INTU: variants seen among roughly 807,000 people sequenced by gnomAD.
The protein encoded by INTU is protein inturned.
In INTU, 68 loss-of-function variants were observed where a neutral mutation model predicts 100.5. That is an observed-to-expected ratio of 0.68 (90% CI 0.56 to 0.83). The LOEUF is 0.83. Among genes scored for constraint, INTU ranks in the 40% least tolerant of loss-of-function variants. The pLI is 0.00. For synonymous variants in INTU, 357 were observed against 395.7 expected (o/e 0.90, Z 1.16); for missense variants, 1,071 against 1,114.7 (o/e 0.96, Z 0.56).
At position 127,726,483 on chromosome 4, in the gene INTU, C is replaced by T. The variant is rs1361302292; in HGVS notation, c.*10047C>T. 1 of 152,156 alleles carries T rather than the reference C, an allele frequency of 6.6e-6. No homozygotes were observed. Among genetic ancestry groups the T allele is most frequent in the East Asian group, 1.9e-4 (1 of 5,200 alleles). 9.4% of individuals were successfully genotyped at this position (152,156 alleles called of 1,614,324 possible). ...TCCATTGGTTGAAAAACCAAGTAGT[C>T]AGCTAAATCATACCTGCTACTGTAC... On this transcript the variant is annotated 3_prime_UTR_variant, in exon 16 of 16. Coordinates refer to ENST00000335251, the MANE Select transcript of INTU (RefSeq NM_015693.4).
intron 2 of INTU, among the ~76,000 whole-genome samples, chr4:127,650,897 T>C (rs1727831162): frequency 6.6e-6 from 1 of 152,232 alleles, no homozygotes; most frequent in Admixed American, 6.5e-5. Context: ...TTCCCGGCTT[T>C]TTAATGATTG....
At chr4:127,678,939 CA>C (rs1729372276) in intron 6 of INTU, among the ~76,000 whole-genome samples, 1 of 151,860 alleles carries the variant, frequency 6.6e-6, no homozygotes. Flanking sequence ...AAAAAAAAGG[CA>C]GGGGTTGCAA....
Position 127,691,962 on chromosome 4 carries a change from G to GTGTGTATATATATATATA in INTU, c.1449+4096_1449+4097insGTGTATATATATATATAT. Among the ~76,000 whole-genome samples, 101 of 98,256 alleles carry GTGTGTATATATATATATA rather than the reference G, an allele frequency of 1.0e-3. 6 individuals carry two copies. The highest frequency in any genetic ancestry group is 5.8e-3 in the Middle Eastern group (1 of 172). 64.5% of individuals were successfully genotyped at this position (98,256 alleles called of 152,430 possible). A position where few individuals can be genotyped will look rare whatever the true frequency, so the allele number is the denominator to read the frequency against. On this transcript the variant is annotated intron_variant, in intron 8 of 15. Coordinates refer to ENST00000335251, the MANE Select transcript of INTU (RefSeq NM_015693.4). ...GGCGGAGTATAGTGTTCCATGGTAT[G>GTGTGTATATATATATATA]TATATATATATATATATATGTCACA...
chr4:127,652,714 A>T (rs1490825419), intron 2 of INTU, among the ~76,000 whole-genome samples: 22 of 125,882 alleles, frequency 1.7e-4, no homozygotes, highest in African/African-American at 6.8e-4. Context: ...CGGCTTTGGT[A>T]TCAGAATGAT....
rs773155726 is a variant in INTU at position 127,710,904 on chromosome 4, CTTTTT to C, written c.2370-8_2370-4del. On this transcript the variant is annotated splice_region_variant and splice_polypyrimidine_tract_variant and intron_variant, in intron 13 of 15. Transcript: ENST00000335251. ...TTTTTTCTTCTCTTTGATTTTTTTT[CTTTTT>C]AAGACTGACATCTGGTCCTGAGAAC... is the stretch of plus-strand genomic sequence containing the variant. 11 of 1,393,262 alleles carry C rather than the reference CTTTTT, an allele frequency of 7.9e-6. No individual in the cohort carries two copies. Among genetic ancestry groups the C allele is most frequent in the African/African-American group, 1.5e-5 (1 of 68,380 alleles). The allele number at this position is 1,393,262 out of a possible 1,614,324, so 86.3% of individuals were successfully genotyped here.
In INTU at chr4:127,725,132, T is replaced by TAAAAAAAAA. The variant is rs763050553; in HGVS notation, c.*8713_*8721dup. On this transcript the variant is annotated 3_prime_UTR_variant, in exon 16 of 16. Coordinates refer to ENST00000335251, the MANE Select transcript of INTU (RefSeq NM_015693.4). Reference sequence around the variant, plus strand: ...GAAACCCTGTCTCTACTAAAAATACTAAAAAAAAAAAAAAAAAAAAAAAAA... The same window carrying TAAAAAAAAA: ...GAAACCCTGTCTCTACTAAAAATACTAAAAAAAAAAAAAAAAAAAAAAAAAAAAAAAAAA... 1.0e-4 allele frequency: 8 copies of TAAAAAAAAA among 79,304 alleles called. No individual in the cohort carries two copies. The highest frequency in any genetic ancestry group is 3.4e-4 in the East Asian group (1 of 2,958). 4.9% of individuals were successfully genotyped at this position (79,304 alleles called of 1,614,324 possible). A position where few individuals can be genotyped will look rare whatever the true frequency, so the allele number is the denominator to read the frequency against.
At chr4:127,665,177 CTTA>C (rs772839358) in intron 4 of INTU, among the ~76,000 whole-genome samples, 12 of 149,680 alleles carry the variant, frequency 8.0e-5, no homozygotes, top group Non-Finnish European at 1.6e-4. Flanking sequence ...ACTACTACTA[CTTA>C]TTATTATTAC....
intron 8 of INTU, among the ~76,000 whole-genome samples, chr4:127,697,137 A>G (rs1730427731): frequency 6.6e-6 from 1 of 152,290 alleles, no homozygotes; most frequent in African/African-American, 2.4e-5. Context: ...TCATTGAGAT[A>G]TTTCACATAT....
In INTU at chr4:127,716,429, C is replaced by T; in HGVS notation, c.2822C>T (p.Thr941Ile). 1.3e-6 allele frequency: 2 copies of T among 1,537,798 alleles called. No homozygotes were observed. Among genetic ancestry groups the T allele is most frequent in the South Asian group, 2.4e-5 (2 of 82,856 alleles). The part of the protein sequence containing the change: ...EIAFKLFFGL[T>I]L ...GCTTTTAAATTGTTCTTTGGGTTAA[C>T]CTTGTAGCTGTGCTTTCTTGATGCG... Residue 941 changes from threonine (T) to isoleucine (I), a missense_variant, in exon 16 of 16, where the codon ACC becomes ATC. Coordinates refer to ENST00000335251, the MANE Select transcript of INTU (RefSeq NM_015693.4).
chr4:127,673,176 C>CT lies in INTU; in HGVS notation c.1092-940dup, dbSNP rs112570618. Among the ~76,000 whole-genome samples the CT allele has an allele frequency of 3.4e-3, 519 of 151,776 alleles. 4 individuals carry two copies. The highest frequency in any genetic ancestry group is 0.012 in the African/African-American group (488 of 41,420). On this transcript the variant is annotated intron_variant, in intron 5 of 15. Coordinates refer to ENST00000335251, the MANE Select transcript of INTU (RefSeq NM_015693.4). The stretch of plus-strand genomic sequence containing the variant: ...GTTAAATTAACCAACTGAGATGAAG[C>CT]TTTTTTTTGTTTTGTTTTTGAGACA...
chr4:127,674,007 C>A (rs1236890314), intron 5 of INTU, 117 bp from the exon 6 acceptor site: 2 of 496,688 alleles, frequency 4.0e-6, no homozygotes, highest in Non-Finnish European at 3.3e-6. Flanking sequence ...GAAAAGAAAT[C>A]ACTTATTAAG....
chr4:127,645,909 G>T (rs184671374), intron 2 of INTU, among the ~76,000 whole-genome samples: 10 of 151,970 alleles, frequency 6.6e-5, no homozygotes, highest in Admixed American at 4.6e-4. Flanking sequence ...TAGGCCTGGC[G>T]TGGTGGCTAA....
At chr4:127,638,403 C>G (rs1246930679) in intron 1 of INTU, among the ~76,000 whole-genome samples, 1 of 152,062 alleles carries the variant, frequency 6.6e-6, no homozygotes, top group Non-Finnish European at 1.5e-5. Flanking sequence ...GGAAATGTGC[C>G]AGTGGGGCTG....
rs1726911659 is a variant in INTU at position 127,633,149 on chromosome 4, G to T, written c.115G>T (p.Gly39Cys). 1.2e-6 allele frequency: 2 copies of T among 1,613,896 alleles called. No homozygotes were observed. The highest frequency in any genetic ancestry group is 1.3e-5 in the African/African-American group (1 of 75,020). Residue 39 changes from glycine (G) to cysteine (C), a missense_variant, in exon 1 of 16, where the codon GGT (glycine) becomes TGT (cysteine). Transcript: ENST00000335251. ...YDFEDRVSDSGSYSSASSDYD... is the reference protein window; with the variant it reads ...YDFEDRVSDSCSYSSASSDYD... ...TTTTGAAGATCGGGTCAGCGACTCG[G>T]GTTCATATTCCTCAGCGAGTAGCGA... is the stretch of plus-strand genomic sequence containing the variant.
At position 127,710,943 on chromosome 4, in the gene INTU, C is replaced by T. The variant is rs1336868891; in HGVS notation, c.2400C>T (p.Phe800=). Residue 800 remains phenylalanine (F), a synonymous_variant, in exon 14 of 16, where the codon TTC becomes TTT. Transcript: ENST00000335251. ...KLTSGPENTL[F]HYVALETVQG... Reference sequence around the variant, plus strand: ...CATCTGGTCCTGAGAACACACTTTTCCACTACGTTGCCTTAGAAACAGTGC... The same window carrying T: ...CATCTGGTCCTGAGAACACACTTTTTCACTACGTTGCCTTAGAAACAGTGC... The T allele has an allele frequency of 6.6e-7, 1 of 1,514,058 alleles. No homozygotes were observed. The highest frequency in any genetic ancestry group is 9.0e-7 in the Non-Finnish European group (1 of 1,115,686). 93.8% of individuals were successfully genotyped at this position (1,514,058 alleles called of 1,614,324 possible). A position where few individuals can be genotyped will look rare whatever the true frequency, so the allele number is the denominator to read the frequency against.
rs1728266680 is a variant in INTU, at chr4:127,657,116, G to A, written c.768+395G>A. The stretch of plus-strand genomic sequence containing the variant: ...TTGCTATAATGTTTTTTTTTCCAAT[G>A]TGATTTTATTTTAAAAACAAATCAT... On this transcript the variant is annotated intron_variant, in intron 3 of 15. Coordinates refer to ENST00000335251, the MANE Select transcript of INTU (RefSeq NM_015693.4). 2.0e-5 allele frequency among the ~76,000 whole-genome samples: 3 copies of A among 151,466 alleles called. 1 individual carries two copies. The South Asian group carries it at 6.2e-4, about 31-fold the overall frequency.
At chr4:127,658,639 A>G (rs1728341542) in intron 3 of INTU, among the ~76,000 whole-genome samples, 2 of 152,140 alleles carry the variant, frequency 1.3e-5, no homozygotes, top group Non-Finnish European at 2.9e-5. Flanking sequence ...AATCATGTCT[A>G]TTCTTTCTTC....
chr4:127,665,245 G>T (rs1012045123), intron 4 of INTU, among the ~76,000 whole-genome samples: 5 of 148,466 alleles, frequency 3.4e-5, no homozygotes, highest in African/African-American at 1.2e-4. Context: ...ATATATAAAT[G>T]ATATAAATAT....
At chr4:127,640,969 A>G (rs1008721055) in intron 1 of INTU, among the ~76,000 whole-genome samples, 35 of 152,060 alleles carry the variant, frequency 2.3e-4, no homozygotes, top group African/African-American at 8.4e-4. Flanking sequence ...AAAAGGATGC[A>G]TGAAAGTATA....
Sources: allele counts gnomAD v4.1 joint callset (sites outside exome capture counted in the v4.1 genomes callset), GRCh38; gene constraint gnomAD v4.1.1; transcripts MANE v1.5; gene names NCBI Gene and HGNC (gene_info 2026-07-23, HGNC 2026-07-21).